The following MYO3A variants were observed in gnomAD, a reference collection of about 807,000 sequenced individuals.
The protein encoded by MYO3A is myosin IIIA.
MYO3A carries 180 observed loss-of-function variants against 192.7 expected under a neutral mutation model. The observed-to-expected ratio is 0.93, with a 90% CI of 0.83 to 1.06. MYO3A has a LOEUF of 1.06. Ranked by LOEUF, MYO3A falls within the 50% of genes least tolerant of loss-of-function variation. MYO3A has a pLI of 0.00. For missense variants in MYO3A, 1,896 were observed against 1,905.0 expected, an observed-to-expected ratio of 1.00 and a Z score of 0.09; for synonymous variants, 628 against 645.3, an observed-to-expected ratio of 0.97 and a Z score of 0.41.
intron 31 of MYO3A, among the ~76,000 whole-genome samples, chr10:26,181,898 T>C (rs1842633593): frequency 6.6e-6 from 1 of 151,038 alleles, no homozygotes; most frequent in African/African-American, 2.4e-5. Flanking sequence ...AGAAAAAAAA[T>C]TGAACAATAG....
intron 14 of MYO3A, among the ~76,000 whole-genome samples, chr10:26,075,633 C>T (rs1835493128): frequency 6.9e-6 from 1 of 145,110 alleles, no homozygotes; most frequent in Admixed American, 7.0e-5. Context: ...ATATATGTCT[C>T]TCATATATGA....
chr10:26,136,227 A>C (rs1446594485), intron 20 of MYO3A, among the ~76,000 whole-genome samples: 1 of 152,208 alleles, frequency 6.6e-6, no homozygotes, highest in East Asian at 1.9e-4. Flanking sequence ...AAGTGGACTA[A>C]ACTTATAAAA....
intron 17 of MYO3A, among the ~76,000 whole-genome samples, chr10:26,103,045 C>A (rs113148109): frequency 1.6e-3 from 238 of 152,344 alleles, no homozygotes; most frequent in African/African-American, 4.9e-3. Context: ...GTGGTGGACT[C>A]CACCCACTTC....
chr10:26,089,567 C>T (rs1355530766), intron 15 of MYO3A, among the ~76,000 whole-genome samples: 4 of 151,446 alleles, frequency 2.6e-5, no homozygotes, highest in Non-Finnish European at 5.9e-5. Flanking sequence ...TGCCACTTCA[C>T]TCCAGCTGGG....
chr10:26,062,596 CT>C lies in MYO3A; in HGVS notation c.954-4371del, dbSNP rs1554816611. On this transcript the variant is annotated intron_variant, in intron 10 of 34. Transcript: ENST00000642920. ...AAGACACTATTTCTGTCATTAGATA[CT>C]TTTTTTTAATATCAGAAACATGATT... Among the ~76,000 whole-genome samples the C allele has an allele frequency of 6.1e-5, 9 of 148,710 alleles. No individual in the cohort carries two copies. In the East Asian group the frequency reaches 7.8e-4, roughly 13 times the overall value.
chr10:26,092,402 C>T (rs1836754626), intron 15 of MYO3A, among the ~76,000 whole-genome samples: 1 of 151,622 alleles, frequency 6.6e-6, no homozygotes, highest in African/African-American at 2.4e-5. Context: ...GGAGGCAGAG[C>T]TTGCAGTGAG....
At chr10:26,110,920 G>A (rs183865719) in intron 17 of MYO3A, among the ~76,000 whole-genome samples, 5 of 150,664 alleles carry the variant, frequency 3.3e-5, no homozygotes, top group Non-Finnish European at 7.4e-5. Context: ...GCCCAGGCTG[G>A]AGTGCAGTAG....
intron 6 of MYO3A, among the ~76,000 whole-genome samples, chr10:26,010,383 C>T (rs919161730): frequency 6.7e-6 from 1 of 148,888 alleles, no homozygotes; most frequent in East Asian, 2.0e-4. Context: ...TTGTTATATG[C>T]AAAATGTCTG....
chr10:26,172,431 A>G (rs1341720401), intron 29 of MYO3A, among the ~76,000 whole-genome samples: 1 of 152,174 alleles, frequency 6.6e-6, no homozygotes, highest in Non-Finnish European at 1.5e-5. Flanking sequence ...CATGTTCCCC[A>G]GCCAGCCGCA....
intron 30 of MYO3A, 39 bp downstream of exon 30, chr10:26,174,596 C>G: frequency 6.5e-7 from 1 of 1,528,060 alleles, no homozygotes; most frequent in Middle Eastern, 1.8e-4. Context: ...ATAAAAGTCC[C>G]TGGGAACTAT....
intron 4 of MYO3A, among the ~76,000 whole-genome samples, chr10:25,960,383 C>T (rs1323897699): frequency 6.6e-6 from 1 of 152,050 alleles, no homozygotes; most frequent in African/African-American, 2.4e-5. Flanking sequence ...TTCAATATTA[C>T]AGTTGACCCT....
intron 10 of MYO3A, among the ~76,000 whole-genome samples, chr10:26,034,606 T>A (rs1842944417): frequency 6.6e-6 from 1 of 152,174 alleles, no homozygotes; most frequent in Non-Finnish European, 1.5e-5. Context: ...TGGATAATGA[T>A]AGCTCCATCA....
At chr10:26,009,244 G>A (rs1841457623) in intron 6 of MYO3A, among the ~76,000 whole-genome samples, 1 of 151,814 alleles carries the variant, frequency 6.6e-6, no homozygotes, top group African/African-American at 2.4e-5. Context: ...GGGGGAGGGA[G>A]GAGGGATAGC....
chr10:26,059,829 G>A (rs956014145), intron 10 of MYO3A, among the ~76,000 whole-genome samples: 2 of 152,200 alleles, frequency 1.3e-5, no homozygotes, highest in Non-Finnish European at 2.9e-5. Context: ...ATAAATATGA[G>A]TTGGATTGAA....
intron 10 of MYO3A, among the ~76,000 whole-genome samples, 166 bp from the exon 11 acceptor site, chr10:26,066,809 A>G (rs973031416): frequency 2.6e-5 from 4 of 152,248 alleles, no homozygotes; most frequent in Non-Finnish European, 4.4e-5. Flanking sequence ...AATGGAAAGG[A>G]GTAAACAAAC....
chr10:26,032,559 T>C (rs1842849486), intron 10 of MYO3A, among the ~76,000 whole-genome samples: 1 of 151,828 alleles, frequency 6.6e-6, no homozygotes, highest in South Asian at 2.1e-4. Flanking sequence ...GAGGTTGCAG[T>C]GAGCCCAGAT....
At chr10:26,147,653 T>A (rs538812436) in intron 23 of MYO3A, 94 bp downstream of exon 23, 1 of 1,566,266 alleles carries the variant, frequency 6.4e-7, no homozygotes, top group Non-Finnish European at 8.7e-7. Context: ...TAATTTTTCA[T>A]GTGAGTTTGT....
intron 20 of MYO3A, among the ~76,000 whole-genome samples, chr10:26,130,808 A>G (rs913981866): frequency 1.3e-5 from 2 of 152,172 alleles, no homozygotes; most frequent in African/African-American, 2.4e-5. Flanking sequence ...TTTTCTTTCT[A>G]ACTCCCAGGT....
chr10:26,091,926 A>G lies in MYO3A; in HGVS notation c.1562+3521A>G, dbSNP rs574031273. Among the ~76,000 whole-genome samples, 7 of 152,344 alleles carry G rather than the reference A, an allele frequency of 4.6e-5. No individual in the cohort carries two copies. In the South Asian group the frequency reaches 6.2e-4, roughly 14 times the overall value. On this transcript the variant is annotated intron_variant, in intron 15 of 34. Transcript: ENST00000642920. ...GCTAGGCACAGGAGACATAAAGCCA[A>G]GTAAGGCAGGATTCCTGTGGTAACA...
Sources: gnomAD v4.1 joint callset for allele counts (sites outside exome capture counted in the v4.1 genomes callset) on GRCh38, gnomAD v4.1.1 for gene constraint, MANE v1.5 for transcripts, NCBI Gene and HGNC (gene_info 2026-07-23, HGNC 2026-07-21) for gene names.